The following STAG1 variants were observed in gnomAD, a reference collection of about 807,000 sequenced individuals.
STAG1 encodes cohesin subunit SA-1.
A neutral mutation model predicts 170.9 loss-of-function variants in STAG1; 26 were observed. The ratio of observed to expected loss-of-function variants is 0.15; its 90% CI spans 0.11 to 0.21. The LOEUF (loss-of-function observed/expected upper bound fraction) is 0.21. Among genes scored for constraint, STAG1 ranks in the 10% least tolerant of loss-of-function variants. The probability of loss-of-function intolerance (pLI) is 1.00; values close to 1 mark genes in which losing one functional copy is unlikely to be tolerated. For missense variants in STAG1, 964 were observed against 1,509.5 expected, an observed-to-expected ratio of 0.64 and a Z score of 5.99; for synonymous variants, 514 against 497.7, an observed-to-expected ratio of 1.03 and a Z score of -0.44.
chr3:136,468,613 T>C (rs1268944540), intron 12 of STAG1, among the ~76,000 whole-genome samples: 4 of 152,270 alleles, frequency 2.6e-5, no homozygotes, highest in East Asian at 3.9e-4. Flanking sequence ...TCTGAAACTA[T>C]TCCAATCAAC....
chr3:136,720,015 G>A (rs964719668), intron 1 of STAG1, among the ~76,000 whole-genome samples: 1 of 151,732 alleles, frequency 6.6e-6, no homozygotes, highest in African/African-American at 2.4e-5. Context: ...CATCTCTAGT[G>A]AAAATATAAA....
chr3:136,372,128 GGAGTTCACTCAT>G (rs1560066317), intron 23 of STAG1, among the ~76,000 whole-genome samples: 1 of 152,072 alleles, frequency 6.6e-6, no homozygotes, highest in African/African-American at 2.4e-5. Context: ...ATTGTGAATG[GGAGTTCACTCAT>G]GATTTGGCTG....
chr3:136,478,616 T>A (rs2089826007), intron 9 of STAG1, among the ~76,000 whole-genome samples: 1 of 152,200 alleles, frequency 6.6e-6, no homozygotes, highest in Admixed American at 6.5e-5. Context: ...TAATGATAAT[T>A]AAGGCACTTT....
intron 29 of STAG1, among the ~76,000 whole-genome samples, chr3:136,347,395 C>CAAA (rs34533734): frequency 0.015 from 1,167 of 78,260 alleles, 16 homozygotes; most frequent in East Asian, 0.034. Context: ...GATCCTGTCT[C>CAAA]AAAAAAAAAA....
At chr3:136,634,479 A>AT (rs1022591219) in intron 1 of STAG1, among the ~76,000 whole-genome samples, 1 of 151,972 alleles carries the variant, frequency 6.6e-6, no homozygotes, top group East Asian at 1.9e-4. Context: ...GAATCTCAAA[A>AT]TTTTTTTTTA....
At chr3:136,367,106 T>C in intron 24 of STAG1, 24 bp from the exon 25 acceptor site, 1 of 1,572,698 alleles carries the variant, frequency 6.4e-7, no homozygotes, top group Non-Finnish European at 8.7e-7. Flanking sequence ...ACAAATTGGT[T>C]ATGAATTCTG....
chr3:136,345,937 C>T (rs932054167), intron 29 of STAG1, among the ~76,000 whole-genome samples: 3 of 152,204 alleles, frequency 2.0e-5, no homozygotes, highest in African/African-American at 7.2e-5. Context: ...ATTTCATCAT[C>T]TTCTATTCAT....
intron 12 of STAG1, among the ~76,000 whole-genome samples, chr3:136,466,116 A>C (rs973611560): frequency 6.6e-6 from 1 of 152,220 alleles, no homozygotes; most frequent in Non-Finnish European, 1.5e-5. Flanking sequence ...CCAAAGAAAC[A>C]GAGCTCCTCA....
chr3:136,676,730 TTTTG>T (rs545500564), intron 1 of STAG1, among the ~76,000 whole-genome samples: 16 of 152,152 alleles, frequency 1.1e-4, no homozygotes, highest in African/African-American at 3.4e-4. Context: ...GATTACAAGT[TTTTG>T]TTTGTTTGTT....
chr3:136,630,935 C>G lies in STAG1; in HGVS notation c.-37G>C, dbSNP rs1306800775. The G allele has an allele frequency of 1.3e-6, 2 of 1,552,380 alleles. No individual in the cohort carries two copies. The highest frequency in any genetic ancestry group is 1.7e-6 in the Non-Finnish European group (2 of 1,147,482). ...TCCTTTCACAATGCAGCAAAATAAT[C>G]AAGTGCTGTACAACTCAAAACTTTT... On this transcript the variant is annotated 5_prime_UTR_variant, in exon 2 of 34. Transcript: ENST00000383202.
chr3:136,348,162 T>C (rs1462537629), intron 29 of STAG1, among the ~76,000 whole-genome samples: 1 of 152,170 alleles, frequency 6.6e-6, no homozygotes, highest in East Asian at 1.9e-4. Context: ...AGACCTCCTC[T>C]TGGTTTGGAG....
intron 6 of STAG1, among the ~76,000 whole-genome samples, chr3:136,524,772 C>G (rs867686250): frequency 3.3e-5 from 5 of 152,296 alleles, no homozygotes; most frequent in Middle Eastern, 6.8e-3. Context: ...TACGTCCCAT[C>G]AATACCTAAT....
At chr3:136,368,252 T>C (rs1479922072) in intron 24 of STAG1, among the ~76,000 whole-genome samples, 1 of 152,210 alleles carries the variant, frequency 6.6e-6, no homozygotes, top group Non-Finnish European at 1.5e-5. Context: ...AATATACTTC[T>C]TATATTATTT....
intron 12 of STAG1, among the ~76,000 whole-genome samples, chr3:136,470,355 C>T (rs1015418560): frequency 2.6e-5 from 4 of 152,208 alleles, no homozygotes; most frequent in African/African-American, 9.7e-5. Context: ...GAAAAGAAGA[C>T]ATTTATGCAG....
In STAG1 at chr3:136,338,199, A is replaced by G. The variant is rs1177412812; in HGVS notation, c.*55T>C. 6 of 1,230,392 alleles carry G rather than the reference A, an allele frequency of 4.9e-6. No individual in the cohort carries two copies. In the East Asian group the frequency reaches 9.3e-5, roughly 19 times the overall value. 76.2% of individuals were successfully genotyped at this position (1,230,392 alleles called of 1,614,324 possible). A position where few individuals can be genotyped will look rare whatever the true frequency, so the allele number is the denominator to read the frequency against. On this transcript the variant is annotated 3_prime_UTR_variant, in exon 34 of 34. Coordinates refer to ENST00000383202, the MANE Select transcript of STAG1 (RefSeq NM_005862.3). Reference sequence around the variant, plus strand: ...TTCCCCATACAAGCTATCACAGTATATAGGCCTCTAGCTCTAAATAATAGA... The same window carrying G: ...TTCCCCATACAAGCTATCACAGTATGTAGGCCTCTAGCTCTAAATAATAGA...
chr3:136,723,989 GC>G (rs1246489290), intron 1 of STAG1, among the ~76,000 whole-genome samples: 1 of 149,864 alleles, frequency 6.7e-6, no homozygotes, highest in Non-Finnish European at 1.5e-5. Flanking sequence ...GGGGGGGTCA[GC>G]CCCCCGCACA....
At chr3:136,728,807 C>T (rs1933835838) in intron 1 of STAG1, among the ~76,000 whole-genome samples, 1 of 152,158 alleles carries the variant, frequency 6.6e-6, no homozygotes, top group African/African-American at 2.4e-5. Flanking sequence ...TGAGATGATG[C>T]ATATAATCCT....
intron 5 of STAG1, among the ~76,000 whole-genome samples, chr3:136,563,337 T>C (rs796603710): frequency 2.6e-5 from 4 of 152,304 alleles, no homozygotes; most frequent in African/African-American, 9.6e-5. Flanking sequence ...GTAAAGGTTA[T>C]TTGTTCTGTT....
chr3:136,497,001 C>T (rs1473570983), intron 9 of STAG1, among the ~76,000 whole-genome samples: 4 of 151,762 alleles, frequency 2.6e-5, no homozygotes, highest in African/African-American at 9.7e-5. Flanking sequence ...AACTCAACCA[C>T]CAAGATGAAT....
Sources: gnomAD v4.1 joint callset for allele counts (sites outside exome capture counted in the v4.1 genomes callset) on GRCh38, gnomAD v4.1.1 for gene constraint, MANE v1.5 for transcripts, NCBI Gene and HGNC (gene_info 2026-07-23, HGNC 2026-07-21) for gene names.